The following DLC1 variants were observed in gnomAD, a reference collection of about 807,000 sequenced individuals.
DLC1 encodes rho GTPase-activating protein 7.
In DLC1, 54 loss-of-function variants were observed where a neutral mutation model predicts 140.3. That is an observed-to-expected ratio of 0.38 (90% CI 0.31 to 0.48). The LOEUF (loss-of-function observed/expected upper bound fraction) is 0.48. Among genes scored for constraint, DLC1 ranks in the 20% least tolerant of loss-of-function variants. The probability of loss-of-function intolerance (pLI) is 0.96; values close to 1 mark genes in which losing one functional copy is unlikely to be tolerated. For missense variants in DLC1, 2,536 were observed against 1,907.0 expected, an observed-to-expected ratio of 1.33 and a Z score of -6.14; for synonymous variants, 986 against 728.1, an observed-to-expected ratio of 1.35 and a Z score of -5.70.
intron 2 of DLC1, among the ~76,000 whole-genome samples, chr8:13,448,818 C>T (rs181670046): frequency 1.6e-4 from 24 of 151,940 alleles, no homozygotes; most frequent in East Asian, 1.4e-3. Flanking sequence ...TTCTAATATA[C>T]GGCCACAAAT....
intron 5 of DLC1, among the ~76,000 whole-genome samples, chr8:13,116,534 T>C (rs1820571567): frequency 6.6e-6 from 1 of 152,218 alleles, no homozygotes; most frequent in Non-Finnish European, 1.5e-5. Context: ...CACTCATTTA[T>C]AAAGGTCTCA....
intron 5 of DLC1, among the ~76,000 whole-genome samples, chr8:13,299,325 G>A (rs1411757275): frequency 6.6e-6 from 1 of 151,644 alleles, no homozygotes; most frequent in African/African-American, 2.4e-5. Context: ...GTGGGTGCCT[G>A]TAATCCCAGC....
At chr8:13,238,043 C>G (rs1247663403) in intron 5 of DLC1, among the ~76,000 whole-genome samples, 2 of 152,142 alleles carry the variant, frequency 1.3e-5, no homozygotes, top group East Asian at 3.8e-4. Flanking sequence ...ATATTGGTAG[C>G]TCTATGTTTT....
intron 2 of DLC1, among the ~76,000 whole-genome samples, chr8:13,467,911 C>G (rs1020921510): frequency 8.6e-5 from 13 of 151,990 alleles, no homozygotes; most frequent in Non-Finnish European, 5.9e-5. Context: ...GGGATAAACC[C>G]AATTTGGTTA....
intron 5 of DLC1, among the ~76,000 whole-genome samples, chr8:13,268,198 G>C (rs1830768591): frequency 6.6e-6 from 1 of 152,160 alleles, no homozygotes; most frequent in African/African-American, 2.4e-5. Flanking sequence ...AAACAAGTCA[G>C]TATGTCATTT....
In DLC1 at chr8:13,499,381, T is replaced by G; in HGVS notation, c.691A>C (p.Ile231Leu). The G allele has an allele frequency of 1.9e-6, 3 of 1,613,994 alleles. No individual in the cohort carries two copies. The highest frequency in any genetic ancestry group is 2.5e-6 in the Non-Finnish European group (3 of 1,179,992). ...PEKQLLNSAV[I>L]AQQRRKPDPP... Reference sequence around the variant, plus strand: ...TCAGGTTTCCTTCGTTGCTGAGCAATTACAGCAGAGTTAAGCAATTGTTTC... The same window carrying G: ...TCAGGTTTCCTTCGTTGCTGAGCAAGTACAGCAGAGTTAAGCAATTGTTTC... The change falls in exon 2 of 18, where the codon ATT (isoleucine) becomes CTT (leucine). Residue 231 changes from isoleucine to leucine, a missense_variant. Ile to Leu is a conservative substitution (Grantham distance 5). Coordinates refer to ENST00000276297, the MANE Select transcript of DLC1 (RefSeq NM_182643.3).
At chr8:13,284,354 C>T (rs1831469064) in intron 5 of DLC1, among the ~76,000 whole-genome samples, 1 of 151,976 alleles carries the variant, frequency 6.6e-6, no homozygotes, top group Non-Finnish European at 1.5e-5. Flanking sequence ...TGGTGAAACC[C>T]CGTCTCTACT....
At chr8:13,588,435 A>G (rs1234867647) in intron 1 of DLC1, among the ~76,000 whole-genome samples, 1 of 152,040 alleles carries the variant, frequency 6.6e-6, no homozygotes, top group Admixed American at 6.6e-5. Flanking sequence ...AGAGAAAGAG[A>G]GCAGAGACCC....
At chr8:13,479,125 G>A (rs768233598) in intron 2 of DLC1, among the ~76,000 whole-genome samples, 1 of 152,180 alleles carries the variant, frequency 6.6e-6, no homozygotes, top group African/African-American at 2.4e-5. Context: ...TAGAAAGTAG[G>A]TCCTTTGGAG....
chr8:13,526,760 C>T (rs370704058), intron 1 of DLC1, among the ~76,000 whole-genome samples: 1 of 151,668 alleles, frequency 6.6e-6, no homozygotes, highest in East Asian at 2.0e-4. Context: ...CATCACACAC[C>T]AGGGCCTGCC....
intron 1 of DLC1, among the ~76,000 whole-genome samples, chr8:13,572,654 C>T (rs569538404): frequency 6.6e-6 from 1 of 152,054 alleles, no homozygotes; most frequent in Non-Finnish European, 1.5e-5. Flanking sequence ...TTGAGTTAGT[C>T]TTTTGTTTAT....
chr8:13,398,605 C>CAAAAAAAA (rs55898759), intron 3 of DLC1, among the ~76,000 whole-genome samples: 1 of 113,120 alleles, frequency 8.8e-6, no homozygotes, highest in Non-Finnish European at 1.8e-5. Flanking sequence ...CCATCTCTAC[C>CAAAAAAAA]AAAAAAAAAA....
rs114274146 is a variant in DLC1, at chr8:13,581,735, G to A, written c.-126+22802C>T. On this transcript the variant is annotated intron_variant, in intron 1 of 1. Transcript: ENST00000631382. ...ATTACTGGGCAGAATCTATTCTATCGCTTCCCATAGAATAACACCCAACCT... is the reference window on the plus strand; with the variant it reads ...ATTACTGGGCAGAATCTATTCTATCACTTCCCATAGAATAACACCCAACCT... Among the ~76,000 whole-genome samples the A allele has an allele frequency of 5.2e-3, 793 of 152,114 alleles. 6 individuals carry two copies. The highest frequency in any genetic ancestry group is 0.018 in the African/African-American group (749 of 41,482).
chr8:13,299,390 G>A (rs1222504670), intron 5 of DLC1, among the ~76,000 whole-genome samples: 1 of 150,506 alleles, frequency 6.6e-6, no homozygotes, highest in African/African-American at 2.4e-5. Context: ...GGAGGTTGCA[G>A]TGAGTCGAGA....
At chr8:13,088,953 C>T (rs1193049076) in intron 15 of DLC1, among the ~76,000 whole-genome samples, 3 of 152,110 alleles carry the variant, frequency 2.0e-5, no homozygotes, top group Non-Finnish European at 2.9e-5. Context: ...CTGTTGTCAA[C>T]TCGAGTCAAA....
At chr8:13,557,185 C>G (rs752023487) in intron 1 of DLC1, among the ~76,000 whole-genome samples, 5 of 152,054 alleles carry the variant, frequency 3.3e-5, no homozygotes, top group Non-Finnish European at 7.4e-5. Context: ...TACATAAAAC[C>G]TTTAAACTGT....
At chr8:13,428,650 T>C (rs1219769545) in intron 2 of DLC1, among the ~76,000 whole-genome samples, 2 of 151,988 alleles carry the variant, frequency 1.3e-5, no homozygotes, top group Non-Finnish European at 2.9e-5. Flanking sequence ...AAGATATGCC[T>C]CGGGAGATTG....
intron 16 of DLC1, among the ~76,000 whole-genome samples, chr8:13,086,985 G>T (rs1016189221): frequency 2.0e-5 from 3 of 152,174 alleles, no homozygotes; most frequent in African/African-American, 7.2e-5. Context: ...GGGCAACAAA[G>T]TGATACCCCC....
At chr8:13,126,583 G>A (rs1821591755) in intron 5 of DLC1, among the ~76,000 whole-genome samples, 2 of 152,014 alleles carry the variant, frequency 1.3e-5, no homozygotes, top group South Asian at 4.2e-4. Context: ...ATTTTTCTGA[G>A]TCTCATTTTT....
Sources: allele counts gnomAD v4.1 joint callset (sites outside exome capture counted in the v4.1 genomes callset), GRCh38; gene constraint gnomAD v4.1.1; transcripts MANE v1.5; gene names NCBI Gene and HGNC (gene_info 2026-07-23, HGNC 2026-07-21).